CPM: variants seen among roughly 807,000 people sequenced by gnomAD.
The protein encoded by CPM is carboxypeptidase M, also known as renal carboxypeptidase.
A neutral mutation model predicts 46.4 loss-of-function variants in CPM; 35 were observed. The ratio of observed to expected loss-of-function variants is 0.75; its 90% confidence interval spans 0.58 to 1.00. The LOEUF is 1.00. Among genes scored for constraint, CPM ranks in the 50% least tolerant of loss-of-function variants. The pLI, the probability that CPM is intolerant of heterozygous loss-of-function variation, is 0.00. For synonymous variants in CPM, 195 were observed against 195.3 expected, an observed-to-expected ratio of 1.00 and a Z score of 0.01; for missense variants, 422 against 530.4, an observed-to-expected ratio of 0.80 and a Z score of 2.01.
intron 1 of CPM, among the ~76,000 whole-genome samples, chr12:68,948,007 CAAAT>C (rs1192595451): frequency 6.6e-6 from 1 of 152,100 alleles, no homozygotes; most frequent in East Asian, 1.9e-4. Flanking sequence ...AACAAACAAA[CAAAT>C]AAGACCCAAA....
chr12:68,906,712 A>T (rs528332905), intron 2 of CPM, among the ~76,000 whole-genome samples: 31 of 152,170 alleles, frequency 2.0e-4, no homozygotes, highest in Admixed American at 1.2e-3. Context: ...TGAACTCCTG[A>T]CTTCAAATGA....
intron 1 of CPM, among the ~76,000 whole-genome samples, chr12:68,955,330 C>A (rs1424262727): frequency 2.0e-5 from 3 of 152,180 alleles, no homozygotes; most frequent in Non-Finnish European, 2.9e-5. Context: ...AAGTACTCAG[C>A]ATGCTGCCTG....
chr12:68,941,568 A>G (rs11613859), intron 1 of CPM, among the ~76,000 whole-genome samples: 25,787 of 151,956 alleles, frequency 0.17, 2,250 homozygotes, highest in Middle Eastern at 0.2. Context: ...GTAGATACAG[A>G]GTCTCACCAT....
At chr12:68,914,763 G>T (rs1193706170) in intron 2 of CPM, among the ~76,000 whole-genome samples, 1 of 152,086 alleles carries the variant, frequency 6.6e-6, no homozygotes, top group Non-Finnish European at 1.5e-5. Context: ...CACCTCCACA[G>T]AAGTCTCCAG....
downstream of CPM, chr12:68,848,567 T>A (rs1884486092): frequency 6.6e-6 from 1 of 152,188 alleles, no homozygotes; most frequent in Non-Finnish European, 1.5e-5. Context: ...GTTGATATGG[T>A]GTCAGAATTG....
upstream of CPM, chr12:68,933,316 G>A (rs1888597487): frequency 6.6e-6 from 1 of 151,850 alleles, no homozygotes; most frequent in Non-Finnish European, 1.5e-5. Context: ...ACCTAGGAGA[G>A]ACGGCGCCCG....
At chr12:68,894,048 C>T (rs182569867) in intron 2 of CPM, among the ~76,000 whole-genome samples, 77 of 152,276 alleles carry the variant, frequency 5.1e-4, no homozygotes, top group African/African-American at 1.8e-3. Flanking sequence ...ACCTCATGCT[C>T]ACCAGTCTTC....
chr12:68,962,006 C>T (rs546494436), intron 1 of CPM, among the ~76,000 whole-genome samples: 11 of 152,172 alleles, frequency 7.2e-5, no homozygotes, highest in Admixed American at 3.9e-4. Flanking sequence ...CGAGACCATC[C>T]TGGCTAACGC....
At chr12:68,905,881 C>T (rs138146555) in intron 2 of CPM, among the ~76,000 whole-genome samples, 3 of 152,262 alleles carry the variant, frequency 2.0e-5, no homozygotes, top group Non-Finnish European at 4.4e-5. Flanking sequence ...AGAGTAAAGA[C>T]AGCTGGTCAT....
In CPM at chr12:68,932,846, G is replaced by C. The variant is rs372841844; in HGVS notation, c.-3-6C>G. ...AGGCACGGGAAGTCCATGTTCTAGAGATGAATAAAAATAAGAAGAACCTGA... is the reference window on the plus strand; with the variant it reads ...AGGCACGGGAAGTCCATGTTCTAGACATGAATAAAAATAAGAAGAACCTGA... On this transcript the variant is annotated splice_polypyrimidine_tract_variant and splice_region_variant and intron_variant, in intron 1 of 8. Transcript: ENST00000551568. 1.5e-5 allele frequency: 24 copies of C among 1,613,130 alleles called. No homozygotes were observed. The highest frequency in any genetic ancestry group is 1.9e-5 in the Non-Finnish European group (22 of 1,179,724).
intron 2 of CPM, among the ~76,000 whole-genome samples, chr12:68,929,794 C>G (rs1206987324): frequency 6.6e-6 from 1 of 151,982 alleles, no homozygotes; most frequent in Non-Finnish European, 1.5e-5. Context: ...GGATAGAATA[C>G]TAAACAGCAA....
Position 68,853,949 on chromosome 12 carries a change from T to C in CPM, c.*2488A>G, listed in dbSNP as rs548566752. On this transcript the variant is annotated 3_prime_UTR_variant, in exon 9 of 9. Coordinates refer to ENST00000551568, the MANE Select transcript of CPM (RefSeq NM_198320.5). ...CCCTTAATTCTTATAGGTAACGGTC[T>C]AATACAGGGTAACTCTCATAGTGGA... is the stretch of plus-strand genomic sequence containing the variant. The C allele has an allele frequency of 6.6e-6, 1 of 152,140 alleles. No homozygotes were observed. The highest frequency in any genetic ancestry group is 1.9e-4 in the East Asian group (1 of 5,176). 9.4% of individuals were successfully genotyped at this position (152,140 alleles called of 1,614,324 possible). A position where few individuals can be genotyped will look rare whatever the true frequency, so the allele number is the denominator to read the frequency against.
chr12:68,881,379 T>C (rs1434763890), intron 3 of CPM, among the ~76,000 whole-genome samples: 2 of 152,100 alleles, frequency 1.3e-5, no homozygotes, highest in Non-Finnish European at 2.9e-5. Context: ...AGATACTGGA[T>C]TAAATGAGAT....
At chr12:68,951,697 CA>C (rs1888937666) in intron 1 of CPM, among the ~76,000 whole-genome samples, 1 of 152,052 alleles carries the variant, frequency 6.6e-6, no homozygotes, top group Non-Finnish European at 1.5e-5. Flanking sequence ...ATGTCCAGAG[CA>C]GGGAGGAGGC....
intron 1 of CPM, among the ~76,000 whole-genome samples, chr12:68,953,073 A>G (rs529037254): frequency 2.0e-5 from 3 of 152,334 alleles, no homozygotes; most frequent in African/African-American, 7.2e-5. Flanking sequence ...GAAGGCAGGT[A>G]CTGGTTCACA....
chr12:68,929,423 C>T lies in CPM; in HGVS notation c.160+3255G>A, dbSNP rs189482613. Among the ~76,000 whole-genome samples, 668 of 152,254 alleles carry T rather than the reference C, an allele frequency of 4.4e-3. 3 individuals are homozygous for T. The highest frequency in any genetic ancestry group is 6.2e-3 in the Non-Finnish European group (421 of 68,012). ...TTAATTGAACGGAGGATTGAACGAA[C>T]GAACTGATGAACACTGTACCTTTTC... On this transcript the variant is annotated intron_variant, in intron 2 of 8. Transcript: ENST00000551568.
intron 3 of CPM, among the ~76,000 whole-genome samples, chr12:68,876,147 G>A (rs1885941230): frequency 6.6e-6 from 1 of 152,024 alleles, no homozygotes; most frequent in African/African-American, 2.4e-5. Context: ...GATTCTTTCA[G>A]GGAAACAAGT....
chr12:68,911,784 A>G (rs1887604313), intron 2 of CPM: 1 of 152,180 alleles, frequency 6.6e-6, no homozygotes, highest in Non-Finnish European at 1.5e-5. Flanking sequence ...CTATTTTACA[A>G]AATAGGAACT....
intron 2 of CPM, among the ~76,000 whole-genome samples, chr12:68,901,388 C>T (rs1465399199): frequency 6.6e-6 from 1 of 152,152 alleles, no homozygotes; most frequent in Non-Finnish European, 1.5e-5. Context: ...GAATGGAAGC[C>T]CCAAGGTGAG....
Sources: gnomAD v4.1 joint callset for allele counts (sites outside exome capture counted in the v4.1 genomes callset) on GRCh38, gnomAD v4.1.1 for gene constraint, MANE v1.5 for transcripts, NCBI Gene and HGNC (gene_info 2026-07-23, HGNC 2026-07-21) for gene names.